Variants in ZBTB21 observed in about 807,000 individuals in gnomAD.
The protein encoded by ZBTB21 is zinc finger and BTB domain-containing protein 21.
Under a neutral mutation model 39.8 loss-of-function variants are expected in ZBTB21, and 10 were observed. The ratio of observed to expected loss-of-function variants is 0.25; its 90% confidence interval spans 0.16 to 0.43. ZBTB21 has a LOEUF of 0.43. ZBTB21 is among the 20% of genes least tolerant of loss of function. The pLI is 1.00. For synonymous variants in ZBTB21, 551 were observed against 498.8 expected (o/e 1.10, Z -1.40); for missense variants, 1,221 against 1,296.3 (o/e 0.94, Z 0.89).
chr21:41,991,833 G>A lies in ZBTB21; in HGVS notation c.2263C>T (p.Leu755Phe), dbSNP rs1018797607. 1.2e-6 allele frequency: 2 copies of A among 1,614,116 alleles called. No individual in the cohort carries two copies. The highest frequency in any genetic ancestry group is 1.3e-5 in the African/African-American group (1 of 74,944). Reference protein sequence around the residue: ...RNAAVCPYCSLRFFSPELKQE... With the variant: ...RNAAVCPYCSFRFFSPELKQE... ...TTCAGCTCGGGCGAGAAAAACCTGA[G>A]GCTGCAGTAAGGGCAGACGGCCGCG... The change falls in exon 3 of 3, where the codon CTC (leucine) becomes TTC (phenylalanine). Residue 755 changes from leucine (L) to phenylalanine (F), a missense_variant. This residue lies in a region of ZBTB21 where 523 missense variants were observed against 542.5 expected (regional missense o/e 0.96). Transcript: ENST00000310826. This position sits in a 1 kb window ranked among gnomAD's most constrained non-coding sequence, Gnocchi z 4.9.
intron 1 of ZBTB21, among the ~76,000 whole-genome samples, chr21:42,007,356 C>G (rs893802066): frequency 6.6e-6 from 1 of 152,190 alleles, no homozygotes; most frequent in African/African-American, 2.4e-5. Flanking sequence ...ACTGATTTTT[C>G]TATTCCTAAA....
At chr21:41,999,383 A>T (rs1333423069) in intron 2 of ZBTB21, among the ~76,000 whole-genome samples, 4 of 152,228 alleles carry the variant, frequency 2.6e-5, no homozygotes, top group African/African-American at 9.6e-5. Context: ...TGTTTCTATT[A>T]TATATATGTA....
chr21:42,001,021 T>C (rs990768218), intron 2 of ZBTB21, among the ~76,000 whole-genome samples: 1 of 152,182 alleles, frequency 6.6e-6, no homozygotes. Context: ...AATAAAGAAG[T>C]TATTTTTATG....
At chr21:41,998,151 C>T (rs2065773639) in intron 2 of ZBTB21, among the ~76,000 whole-genome samples, 1 of 151,788 alleles carries the variant, frequency 6.6e-6, no homozygotes, top group South Asian at 2.1e-4. Context: ...GTATTTGACC[C>T]TTTATTTAGG....
intron 1 of ZBTB21, among the ~76,000 whole-genome samples, chr21:42,003,553 CA>C (rs1266832177): frequency 6.6e-6 from 1 of 152,134 alleles, no homozygotes; most frequent in African/African-American, 2.4e-5. Flanking sequence ...ACTCCTTTGA[CA>C]ATTATAATAC....
intron 1 of ZBTB21, among the ~76,000 whole-genome samples, chr21:42,008,342 C>CA (rs767411984): frequency 0.45 from 24,204 of 54,174 alleles, 7,297 homozygotes; most frequent in Middle Eastern, 0.64. Context: ...CCCGTCTCTA[C>CA]AAAAAAAAAA....
In ZBTB21 at chr21:41,991,667, GAA is replaced by G. The variant is rs780572181; in HGVS notation, c.2427_2428del (p.Ser810PhefsTer9). On this transcript the variant is annotated frameshift_variant, in exon 3 of 3. Coordinates refer to ENST00000310826, the MANE Select transcript of ZBTB21 (RefSeq NM_001098402.2). LOFTEE classifies it low-confidence loss of function (END_TRUNC). The surrounding 1 kb of genome is among the most constrained non-coding windows in gnomAD (Gnocchi z 4.9). ...ACCATTGTGGTCCAAAACGGGCAAA[GAA>G]AAGTTTTCGGTGGGTGCCATGTTGT... The G allele has an allele frequency of 6.2e-7, 1 of 1,614,230 alleles. No individual in the cohort carries two copies. Among genetic ancestry groups the G allele is most frequent in the Non-Finnish European group, 8.5e-7 (1 of 1,180,048 alleles).
rs1361181834 is a variant in ZBTB21 at position 41,994,944 on chromosome 21, G to A, written c.-13-836C>T. On this transcript the variant is annotated intron_variant, in intron 2 of 2. Coordinates refer to ENST00000310826, the MANE Select transcript of ZBTB21 (RefSeq NM_001098402.2). ...TATAAAGAGGAGTTCCCCTACACAA[G>A]TTCTCTCTTCCCTGCTGCCATGTGA... Among the ~76,000 whole-genome samples, 9 of 152,288 alleles carry A rather than the reference G, an allele frequency of 5.9e-5. No individual in the cohort carries two copies. The East Asian group carries it at 1.5e-3, about 26-fold the overall frequency.
intron 2 of ZBTB21, chr21:42,002,297 T>C (rs1302304840): frequency 3.1e-5 from 4 of 130,554 alleles, no homozygotes; most frequent in Admixed American, 3.0e-4. Flanking sequence ...ACAATTAACA[T>C]ATTGAATTTT....
At chr21:42,007,398 CTT>C (rs1362179463) in intron 1 of ZBTB21, among the ~76,000 whole-genome samples, 1 of 152,210 alleles carries the variant, frequency 6.6e-6, no homozygotes, top group African/African-American at 2.4e-5. Flanking sequence ...GCATACAAGA[CTT>C]TTCATACTCT....
intron 2 of ZBTB21, among the ~76,000 whole-genome samples, chr21:41,995,828 T>C (rs2065738987): frequency 6.6e-6 from 1 of 152,246 alleles, no homozygotes; most frequent in African/African-American, 2.4e-5. Flanking sequence ...CTTGGTGCCC[T>C]GTGTCCCAGG....
rs2065653831 is a variant in ZBTB21, at chr21:41,991,473, T to C, written c.2623A>G (p.Lys875Glu). 6.2e-7 allele frequency: 1 copy of C among 1,614,088 alleles called. No homozygotes were observed. The highest frequency in any genetic ancestry group is 1.7e-5 in the Admixed American group (1 of 59,998). ...PEDLSLSKQL[K>E]IQVKEEPVEE... ...ACAGGCTCCTCTTTGACTTGGATTT[T>C]CAGTTGCTTGGAAAGACTAAGGTCT... The change falls in exon 3 of 3, where the codon AAA (lysine) becomes GAA (glutamate). Residue 875 changes from lysine to glutamate, a missense_variant. By Grantham distance (56) the Lys-to-Glu change is moderately conservative (BLOSUM62 1). This residue lies in a region of ZBTB21 where 523 missense variants were observed against 542.5 expected (regional missense o/e 0.96). Coordinates refer to ENST00000310826, the MANE Select transcript of ZBTB21 (RefSeq NM_001098402.2). This position sits in a 1 kb window ranked among gnomAD's most constrained non-coding sequence, Gnocchi z 4.9.
chr21:42,003,179 A>G (rs1225512782), intron 1 of ZBTB21, among the ~76,000 whole-genome samples: 8 of 152,212 alleles, frequency 5.3e-5, no homozygotes, highest in Non-Finnish European at 1.0e-4. Context: ...TTTATGAAGG[A>G]CAGAAGAGGC....
intron 2 of ZBTB21, among the ~76,000 whole-genome samples, chr21:41,997,821 TAG>T (rs1412158075): frequency 6.6e-6 from 1 of 152,100 alleles, no homozygotes; most frequent in Non-Finnish European, 1.5e-5. Context: ...GGCCTAGTGG[TAG>T]AGTGCAAGCT....
At position 41,991,736 on chromosome 21, in the gene ZBTB21, G is replaced by A; in HGVS notation, c.2360C>T (p.Ser787Phe). 1 of 1,614,228 alleles carries A rather than the reference G, an allele frequency of 6.2e-7. No individual in the cohort carries two copies. The highest frequency in any genetic ancestry group is 1.3e-5 in the African/African-American group (1 of 75,060). ...CLECMRTFKSSFSIWRHQVEV... is the reference protein window; with the variant it reads ...CLECMRTFKSFFSIWRHQVEV... ...AACCTGGTGCCGCCAGATGCTGAAA[G>A]AGGACTTGAAGGTGCGCATGCACTC... The change falls in exon 3 of 3, where the codon TCT becomes TTT. Residue 787 changes from serine to phenylalanine, a missense_variant. Physicochemically the swap from Ser to Phe is radical, Grantham distance 155. Transcript: ENST00000310826. This position sits in a 1 kb window ranked among gnomAD's most constrained non-coding sequence, Gnocchi z 4.9.
intron 2 of ZBTB21, among the ~76,000 whole-genome samples, chr21:41,997,706 T>G (rs1432202673): frequency 6.6e-6 from 1 of 152,262 alleles, no homozygotes; most frequent in Non-Finnish European, 1.5e-5. Context: ...AATCACATTT[T>G]CAACAATAGC....
rs1369983540 is a variant in ZBTB21 at position 41,989,515 on chromosome 21, C to A, written c.*1380G>T. On this transcript the variant is annotated 3_prime_UTR_variant, in exon 3 of 3. Transcript: ENST00000310826. Reference sequence around the variant, plus strand: ...GTTTTTTTAATACATCTAACTCCCACCCCCACAAGTAAAAGTTTTCCCTTT... The same window carrying A: ...GTTTTTTTAATACATCTAACTCCCAACCCCACAAGTAAAAGTTTTCCCTTT... The A allele has an allele frequency of 6.6e-6, 1 of 152,190 alleles. No homozygotes were observed. The highest frequency in any genetic ancestry group is 1.9e-4 in the East Asian group (1 of 5,190). The allele number at this position is 152,190 out of a possible 1,614,324, so 9.4% of individuals were successfully genotyped here. A position where few individuals can be genotyped will look rare whatever the true frequency, so the allele number is the denominator to read the frequency against.
chr21:42,005,481 T>G (rs1320920647), intron 1 of ZBTB21, among the ~76,000 whole-genome samples: 3 of 152,210 alleles, frequency 2.0e-5, no homozygotes, highest in Non-Finnish European at 4.4e-5. Context: ...GTTTTTGTCC[T>G]TCTTCCTGGC....
Position 41,992,182 on chromosome 21 carries a change from C to G in ZBTB21, c.1914G>C (p.Lys638Asn), listed in dbSNP as rs1273936269. 8 of 1,614,096 alleles carry G rather than the reference C, an allele frequency of 5.0e-6. No homozygotes were observed. The highest frequency in any genetic ancestry group is 6.8e-6 in the Non-Finnish European group (8 of 1,180,044). ...GAAAACCAGGCTTGCCGCGCCTTAA[C>G]TTAATGATCAGGGCCTTCTTAATTT... ...EREIKKALII[K>N]LRRGKPGFQG... Residue 638 changes from lysine to asparagine, a missense_variant, in exon 3 of 3, where the codon AAG (lysine) becomes AAC (asparagine). Lys to Asn is a moderately conservative substitution (Grantham distance 94). This residue lies in a region of ZBTB21 where 523 missense variants were observed against 542.5 expected (regional missense o/e 0.96). Coordinates refer to ENST00000310826, the MANE Select transcript of ZBTB21 (RefSeq NM_001098402.2). This position sits in a 1 kb window ranked among gnomAD's most constrained non-coding sequence, Gnocchi z 4.1.
Sources: gnomAD v4.1 joint callset for allele counts (sites outside exome capture counted in the v4.1 genomes callset) on GRCh38, gnomAD v4.1.1 for gene constraint, gnomAD v4.1.1 regional missense constraint, Gnocchi (gnomAD v3.1) non-coding constraint, MANE v1.5 for transcripts, NCBI Gene and HGNC (gene_info 2026-07-23, HGNC 2026-07-21) for gene names.